The following PCDHA3 variants were observed in gnomAD, a reference collection of about 807,000 sequenced individuals.
PCDHA3 encodes protocadherin alpha 3, also known as protocadherin alpha-3.
A neutral mutation model predicts 62.2 loss-of-function variants in PCDHA3; 41 were observed. The ratio of observed to expected loss-of-function variants is 0.66; its 90% CI spans 0.51 to 0.86. PCDHA3 has a LOEUF of 0.86. Ranked by LOEUF, PCDHA3 falls within the 40% of genes least tolerant of loss-of-function variation. The pLI is 0.00. For missense variants in PCDHA3, 1,304 were observed against 1,241.2 expected, an observed-to-expected ratio of 1.05 and a Z score of -0.76; for synonymous variants, 640 against 555.4, an observed-to-expected ratio of 1.15 and a Z score of -2.14.
At chr5:140,983,340 A>G (rs148799902) in intron 3 of PCDHA3, among the ~76,000 whole-genome samples, 114 of 152,358 alleles carry the variant, frequency 7.5e-4, no homozygotes, top group African/African-American at 2.2e-3. Flanking sequence ...TCACTAAAGC[A>G]GGGTCATGTA....
At chr5:140,807,971 A>G in intron 1 of PCDHA3, 1 of 1,613,976 alleles carries the variant, frequency 6.2e-7, no homozygotes, top group Non-Finnish European at 8.5e-7. Flanking sequence ...AACATTGGTA[A>G]TTAAACTTAA....
chr5:140,899,717 C>T (rs2153464993), intron 1 of PCDHA3, among the ~76,000 whole-genome samples: 1 of 152,322 alleles, frequency 6.6e-6, no homozygotes, highest in South Asian at 2.1e-4. Context: ...GGAGGATTCC[C>T]TCTTTTTCTA....
chr5:140,960,428 A>T (rs1317168418), intron 1 of PCDHA3, among the ~76,000 whole-genome samples: 3 of 152,178 alleles, frequency 2.0e-5, no homozygotes, highest in Non-Finnish European at 4.4e-5. Context: ...CAATTACTTG[A>T]TACTCTAGAT....
intron 1 of PCDHA3, chr5:140,823,563 G>C: frequency 6.2e-7 from 1 of 1,613,948 alleles, no homozygotes; most frequent in Non-Finnish European, 8.5e-7. Context: ...TGCGCGCAGT[G>C]GACCCTGATT....
chr5:140,943,574 G>C (rs1424164723), intron 1 of PCDHA3, among the ~76,000 whole-genome samples: 1 of 152,154 alleles, frequency 6.6e-6, no homozygotes, highest in African/African-American at 2.4e-5. Context: ...TTAATTTGTT[G>C]ATCTGAGTGG....
rs949986485 is a variant in PCDHA3 at position 140,855,050 on chromosome 5, T to C, written c.2394+51459T>C. Among the ~76,000 whole-genome samples the C allele has an allele frequency of 5.5e-4, 83 of 150,048 alleles. 4 individuals are homozygous for C. The highest frequency in any genetic ancestry group is 1.9e-3 in the African/African-American group (78 of 41,034). On this transcript the variant is annotated intron_variant, in intron 1 of 3. Transcript: ENST00000522353. ...ATAAAGGATTTTTCTGTAATAGTAC[T>C]TTTCTGTTTTCTTAAATACAGAAAC... is the stretch of plus-strand genomic sequence containing the variant.
At chr5:140,991,247 T>C (rs1211585397) in intron 3 of PCDHA3, among the ~76,000 whole-genome samples, 1 of 152,200 alleles carries the variant, frequency 6.6e-6, no homozygotes, top group Non-Finnish European at 1.5e-5. Flanking sequence ...AAAGGCAGTA[T>C]TTGAACTCAT....
At chr5:140,821,781 A>T in intron 1 of PCDHA3, 2 of 1,609,938 alleles carry the variant, frequency 1.2e-6, no homozygotes, top group Non-Finnish European at 1.7e-6. Flanking sequence ...TTGAGATGGT[A>T]TATTCCCGGA....
In PCDHA3 at chr5:140,802,307, T is replaced by G. The variant is rs3733707; in HGVS notation, c.1110T>G (p.Ala370=). The change falls in exon 1 of 4, where the codon GCT becomes GCG. Residue 370 remains alanine (A), a synonymous_variant. Coordinates refer to ENST00000522353, the MANE Select transcript of PCDHA3 (RefSeq NM_018906.3). ...ACTCTCCACTTAGCACAGTCATCGCTCTGATCAGCGTGTCCGACCGCGACT... is the reference window on the plus strand; with the variant it reads ...ACTCTCCACTTAGCACAGTCATCGCGCTGATCAGCGTGTCCGACCGCGACT... ...LEDSPLSTVI[A]LISVSDRDSG... 1.9e-5 allele frequency: 31 copies of G among 1,613,946 alleles called. No homozygotes were observed. The highest frequency in any genetic ancestry group is 2.5e-5 in the Non-Finnish European group (30 of 1,179,990).
At chr5:140,976,929 A>G (rs1289479026) in intron 1 of PCDHA3, among the ~76,000 whole-genome samples, 2 of 152,234 alleles carry the variant, frequency 1.3e-5, no homozygotes, top group South Asian at 2.1e-4. Flanking sequence ...AGTACTGTGT[A>G]GCTACTTAAA....
Position 140,803,469 on chromosome 5 carries a change from G to T in PCDHA3, c.2272G>T (p.Val758Leu), listed in dbSNP as rs781860611. 1.9e-6 allele frequency: 3 copies of T among 1,613,994 alleles called. No individual in the cohort carries two copies. The East Asian group carries it at 6.7e-5, about 36-fold the overall frequency. ...ATACTCGCAGCAGAGGCAGCAGAGG[G>T]TGTGCTCTGGAGAGGGGTTGCCCAA... ...WSYSQQRQQRVCSGEGLPKTD... is the reference protein window; with the variant it reads ...WSYSQQRQQRLCSGEGLPKTD... The change falls in exon 1 of 4, where the codon GTG becomes TTG. Residue 758 changes from valine (V) to leucine (L), a missense_variant. Transcript: ENST00000522353.
At chr5:141,008,015 T>C (rs2098356412) in intron 3 of PCDHA3, among the ~76,000 whole-genome samples, 1 of 152,088 alleles carries the variant, frequency 6.6e-6, no homozygotes. Flanking sequence ...TTCTGTTTCC[T>C]TTTTTTTCTT....
chr5:141,007,915 A>G (rs561873534), intron 3 of PCDHA3, among the ~76,000 whole-genome samples: 5 of 152,308 alleles, frequency 3.3e-5, no homozygotes, highest in South Asian at 2.1e-4. Flanking sequence ...TGAAGATGCT[A>G]TATAAGCTGG....
chr5:140,987,035 G>A (rs992580023), intron 3 of PCDHA3, among the ~76,000 whole-genome samples: 2 of 151,946 alleles, frequency 1.3e-5, no homozygotes, highest in African/African-American at 4.8e-5. Flanking sequence ...TCAACATGGC[G>A]AAACCCCATC....
intron 1 of PCDHA3, among the ~76,000 whole-genome samples, chr5:140,952,415 C>T (rs138050953): frequency 7.9e-4 from 120 of 152,134 alleles, no homozygotes; most frequent in Admixed American, 1.6e-3. Context: ...TTTAATGTTC[C>T]GCAGATTCCT....
chr5:140,844,834 C>T (rs1554140741), intron 1 of PCDHA3, among the ~76,000 whole-genome samples: 1 of 149,116 alleles, frequency 6.7e-6, no homozygotes, highest in Non-Finnish European at 1.5e-5. Context: ...TACACGTTTG[C>T]TTCTTGTGAC....
chr5:140,910,551 T>G (rs1330218807), intron 1 of PCDHA3, among the ~76,000 whole-genome samples: 1 of 152,178 alleles, frequency 6.6e-6, no homozygotes, highest in East Asian at 1.9e-4. Flanking sequence ...TTGCAAAGTA[T>G]TAGTCAAGGA....
intron 1 of PCDHA3, chr5:140,850,562 C>T (rs782715661): frequency 6.3e-7 from 1 of 1,598,314 alleles, no homozygotes; most frequent in Non-Finnish European, 8.6e-7. Context: ...CCACGGGCCC[C>T]GAGGTGACGC....
At chr5:140,912,465 C>T (rs2153521985) in intron 1 of PCDHA3, among the ~76,000 whole-genome samples, 1 of 151,968 alleles carries the variant, frequency 6.6e-6, no homozygotes, top group South Asian at 2.1e-4. Context: ...TATCCTGGAA[C>T]TTTACTGAAT....
Sources: gnomAD v4.1 joint callset for allele counts (sites outside exome capture counted in the v4.1 genomes callset) on GRCh38, gnomAD v4.1.1 for gene constraint, MANE v1.5 for transcripts, NCBI Gene and HGNC (gene_info 2026-07-23, HGNC 2026-07-21) for gene names.